The following GRTP1 variants were observed in gnomAD, a reference collection of about 807,000 sequenced individuals.
GRTP1 encodes growth hormone-regulated TBC protein 1.
A neutral mutation model predicts 38.1 loss-of-function variants in GRTP1; 56 were observed. The observed-to-expected ratio is 1.47, with a 90% CI of 1.19 to 1.84. The LOEUF (loss-of-function observed/expected upper bound fraction) is 1.84, where lower values mean the gene tolerates loss of function less well. Ranked by LOEUF, GRTP1 falls within the 40% of genes most tolerant of loss-of-function variation. The probability of loss-of-function intolerance (pLI) is 0.00; values close to 1 mark genes in which losing one functional copy is unlikely to be tolerated. For synonymous variants in GRTP1, 217 were observed against 189.5 expected (o/e 1.14, Z -1.19); for missense variants, 506 against 453.9 (o/e 1.11, Z -1.04).
rs765396439 is a variant in GRTP1, at chr13:113,344,863, C to T, written c.562G>A (p.Asp188Asn). Reference protein sequence around the residue: ...LDALVGRILPDYYSPAMLGLK... With the variant: ...LDALVGRILPNYYSPAMLGLK... Reference sequence around the variant, plus strand: ...CATACCGCAGGAATTTTCAACATACCTGGTAGTATTCTTCCAACAAGAGCA... The same window carrying T: ...CATACCGCAGGAATTTTCAACATACTTGGTAGTATTCTTCCAACAAGAGCA... Residue 188 changes from aspartate (D) to asparagine (N), a missense_variant and splice_region_variant, in exon 5 of 8, where the codon GAT becomes AAT. Transcript: ENST00000375431. The T allele has an allele frequency of 6.2e-7, 1 of 1,603,824 alleles. No homozygotes were observed. The highest frequency in any genetic ancestry group is 8.5e-7 in the Non-Finnish European group (1 of 1,177,644).
rs930006986 is a variant in GRTP1 at position 113,342,716 on chromosome 13, C to T, written c.562+2147G>A. Among the ~76,000 whole-genome samples, 1 of 152,116 alleles carries T rather than the reference C, an allele frequency of 6.6e-6. No individual in the cohort carries two copies. Among genetic ancestry groups the T allele is most frequent in the African/African-American group, 2.4e-5 (1 of 41,430 alleles). On this transcript the variant is annotated intron_variant, in intron 5 of 7. Transcript: ENST00000375431. This position sits in a 1 kb window ranked among gnomAD's most constrained non-coding sequence, Gnocchi z 4.5. ...TCGGTCACTGTAACTTAGAGAAGGA[C>T]ATATATTTGCCTCTTTTCTCTGCCG...
chr13:113,340,637 G>A (rs534457511), intron 5 of GRTP1, among the ~76,000 whole-genome samples: 4 of 151,884 alleles, frequency 2.6e-5, no homozygotes, highest in Non-Finnish European at 4.4e-5. Context: ...AAAATTAGCC[G>A]GGCGTGGTGG....
Position 113,348,621 on chromosome 13 carries a change from C to G in GRTP1, c.465+2228G>C, listed in dbSNP as rs1193071188. Among the ~76,000 whole-genome samples, 1 of 152,100 alleles carries G rather than the reference C, an allele frequency of 6.6e-6. No individual in the cohort carries two copies. The highest frequency in any genetic ancestry group is 1.5e-5 in the Non-Finnish European group (1 of 68,040). ...GAGGAGTTGGTGGGCCCTATCCAAG[C>G]CTGGTGTCCTTGTCTTACGTGGAGC... is the stretch of plus-strand genomic sequence containing the variant. On this transcript the variant is annotated intron_variant, in intron 4 of 7. Coordinates refer to ENST00000375431, the MANE Select transcript of GRTP1 (RefSeq NM_024719.4). This position sits in a 1 kb window ranked among gnomAD's most constrained non-coding sequence, Gnocchi z 4.8.
chr13:113,353,465 AG>A (rs774172424), intron 3 of GRTP1, among the ~76,000 whole-genome samples: 26 of 152,370 alleles, frequency 1.7e-4, no homozygotes, highest in Admixed American at 3.3e-4. Flanking sequence ...TGCAGTACAG[AG>A]GATCCCTGAG....
intron 5 of GRTP1, among the ~76,000 whole-genome samples, chr13:113,329,429 T>C (rs2042824066): frequency 6.6e-6 from 1 of 151,934 alleles, no homozygotes; most frequent in African/African-American, 2.4e-5. Context: ...AATACAAAAA[T>C]TAGCTGGGCG....
chr13:113,338,373 A>T (rs941096735), intron 5 of GRTP1, among the ~76,000 whole-genome samples: 2 of 152,150 alleles, frequency 1.3e-5, no homozygotes, highest in African/African-American at 4.8e-5. Context: ...TCCTAACTGA[A>T]TTGGGATTAG....
chr13:113,346,329 G>C (rs1215414492), intron 4 of GRTP1, among the ~76,000 whole-genome samples: 1 of 45,702 alleles, frequency 2.2e-5, no homozygotes, highest in African/African-American at 1.1e-4. Flanking sequence ...GACCCGGGAG[G>C]ACCTCTGTGG....
Position 113,324,592 on chromosome 13 carries a change from G to GTT in GRTP1, c.922-17_922-16dup. The GTT allele has an allele frequency of 6.3e-7, 1 of 1,589,534 alleles. No individual in the cohort carries two copies. Among genetic ancestry groups the GTT allele is most frequent in the Non-Finnish European group, 8.6e-7 (1 of 1,167,230 alleles). On this transcript the variant is annotated splice_polypyrimidine_tract_variant and intron_variant, in intron 7 of 7. Coordinates refer to ENST00000375431, the MANE Select transcript of GRTP1 (RefSeq NM_024719.4). ...GAAAATATTTTCTGGAAGGCAAACAGTTAGTTTAAAAACAAACCCAACAAC... is the reference window on the plus strand; with the variant it reads ...GAAAATATTTTCTGGAAGGCAAACAGTTTTAGTTTAAAAACAAACCCAACAAC...
intron 2 of GRTP1, chr13:113,361,562 C>T (rs1015529755): frequency 1.3e-5 from 2 of 152,182 alleles, no homozygotes; most frequent in Admixed American, 1.3e-4. Flanking sequence ...CTTTCAGATT[C>T]TCCGCTGTAA....
chr13:113,349,706 C>T lies in GRTP1; in HGVS notation c.465+1143G>A, dbSNP rs1249304688. Among the ~76,000 whole-genome samples, 1 of 152,208 alleles carries T rather than the reference C, an allele frequency of 6.6e-6. No homozygotes were observed. Among genetic ancestry groups the T allele is most frequent in the Non-Finnish European group, 1.5e-5 (1 of 68,026 alleles). On this transcript the variant is annotated intron_variant, in intron 4 of 7. Transcript: ENST00000375431. This position sits in a 1 kb window ranked among gnomAD's most constrained non-coding sequence, Gnocchi z 5.0. ...CTTTCACAGGGCGCTCCTCACGCAA[C>T]GTCCACCCTTTCTCCTCGGGAGCAT...
rs767543361 is a variant in GRTP1, at chr13:113,325,687, C to G, written c.895G>C (p.Val299Leu). Residue 299 changes from valine to leucine, a missense_variant, in exon 7 of 8, where the codon GTG becomes CTG. Transcript: ENST00000375431. ...TGCATAAACGTGTGACACTCCATCA[C>G]GAAACTCCCTTTGGTTATCTGCTTA... ...KFKQITKGSF[V>L]MECHTFMQKI... is the part of the protein sequence containing the mutation. 6 of 1,614,078 alleles carry G rather than the reference C, an allele frequency of 3.7e-6. No homozygotes were observed. In the African/African-American group the frequency reaches 5.3e-5, roughly 14 times the overall value.
chr13:113,335,294 G>A (rs2042939588), intron 5 of GRTP1, among the ~76,000 whole-genome samples: 1 of 151,964 alleles, frequency 6.6e-6, no homozygotes, highest in Non-Finnish European at 1.5e-5. Context: ...GTGGTGGTGT[G>A]TGCCTGTAAT....
At chr13:113,328,808 A>G (rs1469356101) in intron 5 of GRTP1, among the ~76,000 whole-genome samples, 1 of 152,246 alleles carries the variant, frequency 6.6e-6, no homozygotes, top group Non-Finnish European at 1.5e-5. Flanking sequence ...TTCCATTCCC[A>G]GGGGCGTCTC....
chr13:113,339,320 T>C (rs551069332), intron 5 of GRTP1: 1 of 152,376 alleles, frequency 6.6e-6, no homozygotes, highest in South Asian at 2.1e-4. Flanking sequence ...CTTTTTACTT[T>C]GCTTATGATG....
chr13:113,359,101 G>A (rs1421943882), intron 2 of GRTP1, among the ~76,000 whole-genome samples: 1 of 152,180 alleles, frequency 6.6e-6, no homozygotes, highest in African/African-American at 2.4e-5. Context: ...GGTCCTGGAT[G>A]GATCTCCAAC....
At chr13:113,347,173 A>C (rs201872825) in intron 4 of GRTP1, among the ~76,000 whole-genome samples, 3 of 556 alleles carry the variant, frequency 5.4e-3, no homozygotes, top group South Asian at 0.062. Flanking sequence ...CCTCTGTGGC[A>C]GAGAGCAGAC....
At chr13:113,363,972 G>A in intron 1 of GRTP1, 48 bp downstream of exon 1, 1 of 1,548,622 alleles carries the variant, frequency 6.5e-7, no homozygotes, top group Non-Finnish European at 8.7e-7. Flanking sequence ...TCGCGGGCCC[G>A]CGCGGGGACC....
At chr13:113,357,638 A>G (rs2043420037) in intron 2 of GRTP1, among the ~76,000 whole-genome samples, 1 of 152,018 alleles carries the variant, frequency 6.6e-6, no homozygotes. Context: ...ATTCAGCCTG[A>G]CTTTCCTCCA....
At chr13:113,332,574 G>A (rs963713274) in intron 5 of GRTP1, among the ~76,000 whole-genome samples, 3 of 152,138 alleles carry the variant, frequency 2.0e-5, no homozygotes, top group Non-Finnish European at 4.4e-5. Context: ...AGTCAACACC[G>A]ACACCACCTC....
Sources: allele counts gnomAD v4.1 joint callset (sites outside exome capture counted in the v4.1 genomes callset), GRCh38; gene constraint gnomAD v4.1.1; non-coding constraint Gnocchi (gnomAD v3.1); transcripts MANE v1.5; gene names NCBI Gene and HGNC (gene_info 2026-07-23, HGNC 2026-07-21).